Variants in KCNQ5 observed in about 807,000 individuals in gnomAD.
KCNQ5 encodes the protein potassium voltage-gated channel subfamily KQT member 5.
In KCNQ5, 30 loss-of-function variants were observed where a neutral mutation model predicts 98.2. The ratio of observed to expected loss-of-function variants is 0.31; its 90% CI spans 0.23 to 0.41. The LOEUF (loss-of-function observed/expected upper bound fraction) is 0.41, where lower values mean the gene tolerates loss of function less well. KCNQ5 is among the 10% of genes least tolerant of loss of function. The pLI is 1.00. For missense variants in KCNQ5, 835 were observed against 1,182.5 expected, an observed-to-expected ratio of 0.71 and a Z score of 4.31; for synonymous variants, 458 against 449.4, an observed-to-expected ratio of 1.02 and a Z score of -0.24.
At chr6:72,739,153 C>T (rs565700100) in intron 1 of KCNQ5, among the ~76,000 whole-genome samples, 5 of 152,010 alleles carry the variant, frequency 3.3e-5, no homozygotes, top group African/African-American at 1.2e-4. Flanking sequence ...GTGGAGCCAC[C>T]GGGTATATGG....
intron 1 of KCNQ5, chr6:72,640,598 T>C (rs2098926705): frequency 6.6e-6 from 1 of 152,210 alleles, no homozygotes; most frequent in African/African-American, 2.4e-5. Flanking sequence ...AGCCATATTT[T>C]ATAATCTCTT....
chr6:72,773,639 C>T (rs894974689), intron 1 of KCNQ5, among the ~76,000 whole-genome samples: 4 of 152,046 alleles, frequency 2.6e-5, no homozygotes, highest in African/African-American at 4.8e-5. Flanking sequence ...TATATAGATG[C>T]TATTCACTTG....
At chr6:73,017,999 G>A (rs1562129524) in intron 2 of KCNQ5, among the ~76,000 whole-genome samples, 1 of 152,038 alleles carries the variant, frequency 6.6e-6, no homozygotes, top group Non-Finnish European at 1.5e-5. Context: ...TCTCCTGAAC[G>A]TTATTTTTTA....
chr6:72,982,353 A>G (rs1582133977), intron 1 of KCNQ5, among the ~76,000 whole-genome samples: 1 of 152,054 alleles, frequency 6.6e-6, no homozygotes. Context: ...TTGGGTACAT[A>G]TATATTTAGG....
intron 1 of KCNQ5, among the ~76,000 whole-genome samples, chr6:72,834,978 T>A (rs922532523): frequency 3.3e-5 from 5 of 152,180 alleles, no homozygotes; most frequent in African/African-American, 1.2e-4. Context: ...TGTATAAATT[T>A]ATAAAGTAAA....
chr6:73,090,624 C>T (rs1774204926), intron 5 of KCNQ5, among the ~76,000 whole-genome samples: 1 of 152,174 alleles, frequency 6.6e-6, no homozygotes, highest in Non-Finnish European at 1.5e-5. Flanking sequence ...AATTCTCCTA[C>T]ATATGGCTAG....
At chr6:72,713,947 G>A (rs1769505935) in intron 1 of KCNQ5, among the ~76,000 whole-genome samples, 2 of 152,088 alleles carry the variant, frequency 1.3e-5, no homozygotes, top group South Asian at 2.1e-4. Context: ...ACTTCCATCC[G>A]GAGTTATGCC....
rs72937543 is a variant in KCNQ5 at position 72,739,151 on chromosome 6, A to G, written c.398+116564A>G. Among the ~76,000 whole-genome samples, 1,454 of 152,232 alleles carry G rather than the reference A, an allele frequency of 9.6e-3. 13 individuals carry two copies. Among genetic ancestry groups the G allele is most frequent in the Non-Finnish European group, 0.015 (993 of 68,010 alleles). Reference sequence around the variant, plus strand: ...AGAAAGCTGTACCTTGTGTGGAGCCACCGGGTATATGGGAGCGCTATACTT... The same window carrying G: ...AGAAAGCTGTACCTTGTGTGGAGCCGCCGGGTATATGGGAGCGCTATACTT... On this transcript the variant is annotated intron_variant, in intron 1 of 13. Transcript: ENST00000370398.
intron 7 of KCNQ5, among the ~76,000 whole-genome samples, chr6:73,112,787 G>C (rs1775306257): frequency 6.6e-6 from 1 of 152,132 alleles, no homozygotes; most frequent in South Asian, 2.1e-4. Flanking sequence ...GGGAAAGAAG[G>C]GGGCAGTATG....
At chr6:73,028,466 C>T (rs1368278797) in intron 2 of KCNQ5, among the ~76,000 whole-genome samples, 4 of 152,146 alleles carry the variant, frequency 2.6e-5, no homozygotes, top group Non-Finnish European at 5.9e-5. Context: ...GTTCCTTTTT[C>T]CTTCAGCCCA....
chr6:72,755,533 T>C (rs918503496), intron 1 of KCNQ5, among the ~76,000 whole-genome samples: 11 of 152,174 alleles, frequency 7.2e-5, no homozygotes, highest in African/African-American at 2.4e-4. Flanking sequence ...GTTGTGCTGG[T>C]ATTTACAGTA....
chr6:72,869,592 C>T (rs1011919025), intron 1 of KCNQ5, among the ~76,000 whole-genome samples: 4 of 147,934 alleles, frequency 2.7e-5, no homozygotes, highest in African/African-American at 8.0e-5. Context: ...TTTGTAAAGA[C>T]AGAACATTTT....
At chr6:72,825,501 G>A (rs78461689) in intron 1 of KCNQ5, among the ~76,000 whole-genome samples, 1,803 of 152,272 alleles carry the variant, frequency 0.012, 14 homozygotes, top group Non-Finnish European at 0.018. Flanking sequence ...ACTGGAACTG[G>A]GAACAGGAAC....
chr6:73,068,264 C>A (rs1773154627), intron 3 of KCNQ5, among the ~76,000 whole-genome samples: 1 of 152,054 alleles, frequency 6.6e-6, no homozygotes, highest in Non-Finnish European at 1.5e-5. Context: ...CCATTGCCCT[C>A]TAGCCTGGGC....
At chr6:72,704,103 C>T (rs1483691214) in intron 1 of KCNQ5, among the ~76,000 whole-genome samples, 1 of 152,146 alleles carries the variant, frequency 6.6e-6, no homozygotes. Flanking sequence ...TTTTTAACAA[C>T]AGTTTCTGTT....
At chr6:72,932,953 C>A (rs1009803582) in intron 1 of KCNQ5, among the ~76,000 whole-genome samples, 1 of 152,148 alleles carries the variant, frequency 6.6e-6, no homozygotes, top group Non-Finnish European at 1.5e-5. Context: ...ATTCATTTAA[C>A]ATTGTCTTTC....
intron 1 of KCNQ5, among the ~76,000 whole-genome samples, chr6:72,745,676 G>A (rs541964530): frequency 2.6e-5 from 4 of 152,264 alleles, no homozygotes; most frequent in South Asian, 4.1e-4. Context: ...GGAGATGGTC[G>A]TATTTGTTTC....
chr6:73,189,752 T>C (rs371538264), intron 11 of KCNQ5, among the ~76,000 whole-genome samples: 6 of 152,238 alleles, frequency 3.9e-5, no homozygotes, highest in African/African-American at 1.4e-4. Context: ...AGATTAGCTA[T>C]TGATGGCATC....
At chr6:73,067,453 A>G (rs185722043) in intron 3 of KCNQ5, among the ~76,000 whole-genome samples, 24 of 152,254 alleles carry the variant, frequency 1.6e-4, no homozygotes, top group Non-Finnish European at 1.3e-4. Context: ...TAATCATCCC[A>G]ATAGCCCTGT....
Sources: allele counts gnomAD v4.1 joint callset (sites outside exome capture counted in the v4.1 genomes callset), GRCh38; gene constraint gnomAD v4.1.1; transcripts MANE v1.5; gene names NCBI Gene and HGNC (gene_info 2026-07-23, HGNC 2026-07-21).